PEBP4: variants seen among roughly 807,000 people sequenced by gnomAD.
PEBP4 encodes the protein phosphatidylethanolamine binding protein 4.
In PEBP4, 22 loss-of-function variants were observed where a neutral mutation model predicts 23.9. That is an observed-to-expected ratio of 0.92 (90% CI 0.66 to 1.31). The LOEUF (loss-of-function observed/expected upper bound fraction) is 1.31, where lower values mean the gene tolerates loss of function less well. Among genes scored for constraint, PEBP4 ranks in the 40% most tolerant of loss-of-function variants. The probability of loss-of-function intolerance (pLI) is 0.00; values close to 1 mark genes in which losing one functional copy is unlikely to be tolerated. For synonymous variants in PEBP4, 112 were observed against 99.3 expected, an observed-to-expected ratio of 1.13 and a Z score of -0.76; for missense variants, 324 against 281.7, an observed-to-expected ratio of 1.15 and a Z score of -1.07.
At chr8:22,936,965 T>C (rs1268426753) in intron 1 of PEBP4, among the ~76,000 whole-genome samples, 1 of 152,120 alleles carries the variant, frequency 6.6e-6, no homozygotes, top group Non-Finnish European at 1.5e-5. Context: ...ATAAAGGCCA[T>C]ATACAAAAAG....
At chr8:22,909,553 C>A (rs1322348296) in intron 3 of PEBP4, among the ~76,000 whole-genome samples, 1 of 152,188 alleles carries the variant, frequency 6.6e-6, no homozygotes, top group Non-Finnish European at 1.5e-5. Flanking sequence ...CAACCCACTC[C>A]TTCCCTGTAT....
intron 3 of PEBP4, among the ~76,000 whole-genome samples, chr8:22,899,159 AATG>A (rs1169564966): frequency 6.6e-6 from 1 of 152,214 alleles, no homozygotes. Flanking sequence ...GGGAAGATTA[AATG>A]ATGATGATAC....
At chr8:22,817,763 T>G (rs2128761891) in intron 3 of PEBP4, 28 bp from the exon 4 acceptor site, 1 of 1,597,426 alleles carries the variant, frequency 6.3e-7, no homozygotes, top group African/African-American at 1.3e-5. Context: ...AAAAGTAATG[T>G]AGCGTCATGG....
intron 4 of PEBP4, among the ~76,000 whole-genome samples, chr8:22,800,927 T>C (rs1482679981): frequency 6.6e-6 from 1 of 152,044 alleles, no homozygotes; most frequent in Non-Finnish European, 1.5e-5. Context: ...TGCCCCCCTT[T>C]TCTTGGACAC....
intron 3 of PEBP4, among the ~76,000 whole-genome samples, chr8:22,900,387 G>A (rs1563254185): frequency 6.6e-6 from 1 of 152,156 alleles, no homozygotes; most frequent in African/African-American, 2.4e-5. Flanking sequence ...AGTGGCTCAC[G>A]CCTGTAATCC....
At chr8:22,730,235 TTC>T (rs1289963383) in intron 4 of PEBP4, among the ~76,000 whole-genome samples, 4 of 152,334 alleles carry the variant, frequency 2.6e-5, no homozygotes, top group African/African-American at 9.6e-5. Flanking sequence ...ATTTTAGCTC[TTC>T]TAAAATATCT....
intron 1 of PEBP4, among the ~76,000 whole-genome samples, chr8:22,936,697 G>C (rs1006526180): frequency 6.6e-6 from 1 of 152,124 alleles, no homozygotes; most frequent in African/African-American, 2.4e-5. Context: ...TGATGCAAAA[G>C]TCCCCAACAA....
chr8:22,758,102 A>G (rs191801329), intron 4 of PEBP4: 204 of 152,364 alleles, frequency 1.3e-3, no homozygotes, highest in African/African-American at 4.7e-3. Flanking sequence ...TGTGTGTGAA[A>G]TATTTCATCA....
At chr8:22,791,576 A>G (rs1008706421) in intron 4 of PEBP4, among the ~76,000 whole-genome samples, 14 of 152,134 alleles carry the variant, frequency 9.2e-5, no homozygotes, top group Non-Finnish European at 1.6e-4. Context: ...GTGTGCGCGC[A>G]CACGCATGCA....
intron 2 of PEBP4, chr8:22,924,790 C>G (rs1809288181): frequency 1.0e-6 from 1 of 985,292 alleles, no homozygotes; most frequent in South Asian, 4.7e-5. Context: ...GCGACTGAGC[C>G]CAGGGTTGGG....
At chr8:22,911,605 G>A (rs1481247804) in intron 3 of PEBP4, among the ~76,000 whole-genome samples, 1 of 152,208 alleles carries the variant, frequency 6.6e-6, no homozygotes, top group Non-Finnish European at 1.5e-5. Context: ...ACCAGTGAGA[G>A]CAGGCAACAA....
At position 22,933,242 on chromosome 8, in the gene PEBP4, C is replaced by T. The variant is rs369025055; in HGVS notation, c.145-5522G>A. Among the ~76,000 whole-genome samples, 29 of 152,184 alleles carry T rather than the reference C, an allele frequency of 1.9e-4. 1 individual carries two copies. In the South Asian group the frequency reaches 3.5e-3, roughly 19 times the overall value. On this transcript the variant is annotated intron_variant, in intron 1 of 1. Coordinates refer to the PEBP4 transcript ENST00000522278. ...AGCATTGCTTATGAAACCAGCAGACCGACTACAGACCTTCAGACACTGAAG... is the reference window on the plus strand; with the variant it reads ...AGCATTGCTTATGAAACCAGCAGACTGACTACAGACCTTCAGACACTGAAG...
intron 3 of PEBP4, among the ~76,000 whole-genome samples, chr8:22,900,386 C>T (rs191936671): frequency 3.6e-4 from 55 of 152,282 alleles, no homozygotes; most frequent in Non-Finnish European, 7.1e-4. Context: ...CAGTGGCTCA[C>T]GCCTGTAATC....
At chr8:22,744,002 G>A (rs887213723) in intron 4 of PEBP4, among the ~76,000 whole-genome samples, 3 of 152,236 alleles carry the variant, frequency 2.0e-5, no homozygotes, top group African/African-American at 4.8e-5. Context: ...GGGGGTTGTG[G>A]CTGCAGGCCA....
chr8:22,930,795 G>A (rs1809443493), upstream of PEBP4, among the ~76,000 whole-genome samples: 1 of 152,120 alleles, frequency 6.6e-6, no homozygotes, highest in African/African-American at 2.4e-5. Context: ...CCTAAGATCT[G>A]AAAGCCGTGT....
chr8:22,818,324 T>A (rs1806789478), intron 3 of PEBP4, among the ~76,000 whole-genome samples: 1 of 151,734 alleles, frequency 6.6e-6, no homozygotes, highest in African/African-American at 2.4e-5. Flanking sequence ...ATAATAAAAA[T>A]AAATAAATAA....
At chr8:22,818,820 G>T (rs1242977847) in intron 3 of PEBP4, among the ~76,000 whole-genome samples, 1 of 152,182 alleles carries the variant, frequency 6.6e-6, no homozygotes, top group Non-Finnish European at 1.5e-5. Context: ...GGTTGGGGGA[G>T]TATTTTTAGG....
chr8:22,718,291 G>T (rs541653846), intron 6 of PEBP4, among the ~76,000 whole-genome samples: 1 of 152,310 alleles, frequency 6.6e-6, no homozygotes, highest in South Asian at 2.1e-4. Context: ...TTCTGCAGCT[G>T]GGGTTGGGGC....
intron 4 of PEBP4, among the ~76,000 whole-genome samples, chr8:22,793,909 ACT>A (rs1307469175): frequency 6.6e-6 from 1 of 152,192 alleles, no homozygotes; most frequent in Non-Finnish European, 1.5e-5. Context: ...AACAATTTAC[ACT>A]CTCACCAGCA....
Sources: gnomAD v4.1 joint callset for allele counts (sites outside exome capture counted in the v4.1 genomes callset) on GRCh38, gnomAD v4.1.1 for gene constraint, MANE v1.5 for transcripts, NCBI Gene and HGNC (gene_info 2026-07-23, HGNC 2026-07-21) for gene names.